The following SLC26A7 variants were observed in gnomAD, a reference collection of about 807,000 sequenced individuals.
The protein encoded by SLC26A7 is solute carrier family 26 member 7.
SLC26A7 carries 59 observed loss-of-function variants against 82.5 expected under a neutral mutation model. That is an observed-to-expected ratio of 0.72 (90% CI 0.58 to 0.89). The LOEUF is 0.89. SLC26A7 is among the 40% of genes least tolerant of loss of function. SLC26A7 has a pLI of 0.00. For synonymous variants in SLC26A7, 271 were observed against 274.3 expected (o/e 0.99, Z 0.12); for missense variants, 820 against 793.0 (o/e 1.03, Z -0.41).
At chr8:91,332,491 T>TACACACAC (rs34306717) in intron 5 of SLC26A7, among the ~76,000 whole-genome samples, 2,825 of 125,154 alleles carry the variant, frequency 0.023, 37 homozygotes, top group African/African-American at 0.032. Context: ...ATATATTTAA[T>TACACACAC]ACACACACAC....
At chr8:91,244,737 T>C (rs1489350695), upstream of SLC26A7, among the ~76,000 whole-genome samples, 14 of 151,990 alleles carry the variant, frequency 9.2e-5, no homozygotes, top group Non-Finnish European at 1.6e-4. Flanking sequence ...CCCAGACTGG[T>C]CTCAAACTCC....
Position 91,334,524 on chromosome 8 carries a change from A to G in SLC26A7, c.795+77A>G, listed in dbSNP as rs150653411. 6,332 of 1,363,754 alleles carry G rather than the reference A, an allele frequency of 4.6e-3. 20 individuals carry two copies. The highest frequency in any genetic ancestry group is 5.7e-3 in the Non-Finnish European group (5,769 of 1,007,172). The allele number at this position is 1,363,754 out of a possible 1,614,324, so 84.5% of individuals were successfully genotyped here. A position where few individuals can be genotyped will look rare whatever the true frequency, so the allele number is the denominator to read the frequency against. ...TTGGGGAGATCTGCAGATGCTTACT[A>G]TATTGTCTGTAGTAACCCTCAGCTA... On this transcript the variant is annotated intron_variant, in intron 6 of 18. Coordinates refer to ENST00000276609, the MANE Select transcript of SLC26A7 (RefSeq NM_052832.4).
chr8:91,301,511 TTAAAG>T (rs1318286542), intron 4 of SLC26A7, among the ~76,000 whole-genome samples: 1 of 152,108 alleles, frequency 6.6e-6, no homozygotes, highest in Non-Finnish European at 1.5e-5. Context: ...ATGTAGGTCT[TTAAAG>T]TAGTCTGTTG....
intron 7 of SLC26A7, among the ~76,000 whole-genome samples, chr8:91,339,842 G>C (rs1314375433): frequency 6.6e-6 from 1 of 152,066 alleles, no homozygotes; most frequent in Non-Finnish European, 1.5e-5. Context: ...GAAGCAGAGG[G>C]TTAGTTAGAT....
chr8:91,294,568 A>G lies in SLC26A7; in HGVS notation c.305-963A>G, dbSNP rs543923416. ...CCCTTTTCATGAAATCTCACTTATG[A>G]CCAGAAGCAAAGTAAGATCTTCAAG... On this transcript the variant is annotated intron_variant, in intron 3 of 18. Transcript: ENST00000276609. 5.3e-5 allele frequency among the ~76,000 whole-genome samples: 8 copies of G among 152,206 alleles called. No homozygotes were observed. In the East Asian group the frequency reaches 1.5e-3, roughly 29 times the overall value.
At chr8:91,325,746 G>T (rs1305703018) in intron 5 of SLC26A7, among the ~76,000 whole-genome samples, 1 of 152,168 alleles carries the variant, frequency 6.6e-6, no homozygotes, top group African/African-American at 2.4e-5. Context: ...AAAGGAAGCA[G>T]CAGGGAGATT....
chr8:91,340,874 T>G (rs1213551821), intron 8 of SLC26A7, among the ~76,000 whole-genome samples: 2 of 152,178 alleles, frequency 1.3e-5, no homozygotes, highest in African/African-American at 2.4e-5. Context: ...CAAATAACAT[T>G]AGTATTACTC....
intron 5 of SLC26A7, among the ~76,000 whole-genome samples, chr8:91,322,871 C>G (rs907338688): frequency 6.6e-6 from 1 of 151,964 alleles, no homozygotes; most frequent in Non-Finnish European, 1.5e-5. Context: ...TAATTCTCAC[C>G]CCCCACCCCT....
intron 2 of SLC26A7, chr8:91,219,122 A>G (rs2130660549): frequency 4.5e-6 from 2 of 447,132 alleles, no homozygotes; most frequent in South Asian, 8.6e-5. Flanking sequence ...ATAAAGGAAG[A>G]AAAATAATTC....
intron 5 of SLC26A7, among the ~76,000 whole-genome samples, chr8:91,333,851 A>C (rs1417049893): frequency 6.6e-6 from 1 of 152,180 alleles, no homozygotes; most frequent in Admixed American, 6.5e-5. Flanking sequence ...ATCTGATGTC[A>C]GTTAAATGCC....
At chr8:91,313,900 G>A (rs1812556762) in intron 4 of SLC26A7, among the ~76,000 whole-genome samples, 2 of 152,136 alleles carry the variant, frequency 1.3e-5, no homozygotes, top group South Asian at 2.1e-4. Flanking sequence ...TGTTTCCTAT[G>A]TACTCTTTGT....
rs377219185 is a variant in SLC26A7 at position 91,304,618 on chromosome 8, T to C, written c.477+8915T>C. On this transcript the variant is annotated intron_variant, in intron 4 of 18. Coordinates refer to ENST00000276609, the MANE Select transcript of SLC26A7 (RefSeq NM_052832.4). ...ATAGAGTGACTTATTTAGAATCTTG[T>C]AATTAGGAATTAACACAGTAGGAGT... Among the ~76,000 whole-genome samples, 19 of 152,346 alleles carry C rather than the reference T, an allele frequency of 1.2e-4. No homozygotes were observed. The South Asian group carries it at 2.3e-3, about 18-fold the overall frequency.
chr8:91,395,007 C>A, intron 18 of SLC26A7, 55 bp from the exon 19 acceptor site: 1 of 1,580,130 alleles, frequency 6.3e-7, no homozygotes, highest in Non-Finnish European at 8.7e-7. Flanking sequence ...TACTTTGGTA[C>A]CAATTTAAGA....
At position 91,290,597 on chromosome 8, in the gene SLC26A7, G is replaced by A. The variant is rs113231202; in HGVS notation, c.304+1351G>A. ...CATTTTCCATGTTTAAAGGACACTT[G>A]TGATTACATTGGGCACACCTGGATA... On this transcript the variant is annotated intron_variant, in intron 3 of 18. Transcript: ENST00000276609. 1.6e-3 allele frequency among the ~76,000 whole-genome samples: 246 copies of A among 152,226 alleles called. 3 individuals carry two copies. Among genetic ancestry groups the A allele is most frequent in the African/African-American group, 5.8e-3 (242 of 41,538 alleles).
At chr8:91,291,013 T>A (rs1420675186) in intron 3 of SLC26A7, among the ~76,000 whole-genome samples, 6 of 152,174 alleles carry the variant, frequency 3.9e-5, no homozygotes, top group Non-Finnish European at 5.9e-5. Flanking sequence ...TCATAAGATC[T>A]CTGTTTTTAT....
At chr8:91,389,477 T>G in intron 16 of SLC26A7, 39 bp downstream of exon 16, 1 of 1,468,106 alleles carries the variant, frequency 6.8e-7, no homozygotes, top group Non-Finnish European at 9.5e-7. Flanking sequence ...TTTCTTCCCT[T>G]TTGTTCAGTA....
intron 2 of SLC26A7, among the ~76,000 whole-genome samples, chr8:91,255,981 A>G (rs1810790606): frequency 1.3e-5 from 2 of 152,108 alleles, no homozygotes; most frequent in African/African-American, 4.8e-5. Flanking sequence ...TGTATCTCAG[A>G]TTAGTTTGGG....
At chr8:91,240,538 T>C (rs569017744) in intron 2 of SLC26A7, among the ~76,000 whole-genome samples, 28 of 152,254 alleles carry the variant, frequency 1.8e-4, no homozygotes, top group African/African-American at 6.7e-4. Context: ...AATGAGAAAC[T>C]TATAATTATT....
rs145557922 is a variant in SLC26A7, at chr8:91,260,856, T to C, written c.193+11012T>C. Among the ~76,000 whole-genome samples, 70 of 152,184 alleles carry C rather than the reference T, an allele frequency of 4.6e-4. 1 individual carries two copies. The highest frequency in any genetic ancestry group is 1.6e-3 in the African/African-American group (66 of 41,548). On this transcript the variant is annotated intron_variant, in intron 2 of 18. Coordinates refer to ENST00000276609, the MANE Select transcript of SLC26A7 (RefSeq NM_052832.4). ...CTCTAATGATTAGAAATACTGACCTTAGAGTAATAATGGTTGTCTGTGGAC... is the reference window on the plus strand; with the variant it reads ...CTCTAATGATTAGAAATACTGACCTCAGAGTAATAATGGTTGTCTGTGGAC...
Sources: allele counts gnomAD v4.1 joint callset (sites outside exome capture counted in the v4.1 genomes callset), GRCh38; gene constraint gnomAD v4.1.1; transcripts MANE v1.5; gene names NCBI Gene and HGNC (gene_info 2026-07-23, HGNC 2026-07-21).